Variants in TICRR observed in about 807,000 individuals in gnomAD.
TICRR encodes treslin.
In TICRR, 132 loss-of-function variants were observed where a neutral mutation model predicts 178.1. The observed-to-expected ratio is 0.74, with a 90% CI of 0.64 to 0.86. TICRR has a LOEUF of 0.86. TICRR is among the 40% of genes least tolerant of loss of function. The pLI is 0.00. For synonymous variants in TICRR, 991 were observed against 900.7 expected, an observed-to-expected ratio of 1.10 and a Z score of -1.79; for missense variants, 2,587 against 2,334.3, an observed-to-expected ratio of 1.11 and a Z score of -2.23.
At chr15:89,615,873 TTTTATA>T (rs1344943376) in intron 15 of TICRR, among the ~76,000 whole-genome samples, 1 of 152,028 alleles carries the variant, frequency 6.6e-6, no homozygotes, top group African/African-American at 2.4e-5. Context: ...TTAGATAAAA[TTTTATA>T]TTTATATTGT....
chr15:89,619,307 C>T (rs1048682024), intron 17 of TICRR, among the ~76,000 whole-genome samples: 1 of 144,152 alleles, frequency 6.9e-6, no homozygotes, highest in Non-Finnish European at 1.5e-5. Context: ...CTCACTGCAA[C>T]CTCCACCTCC....
chr15:89,584,150 A>G (rs1962777845), intron 2 of TICRR, 136 bp from the exon 3 acceptor site: 4 of 837,552 alleles, frequency 4.8e-6, no homozygotes, highest in Non-Finnish European at 7.1e-6. Context: ...ACTAAGTGAC[A>G]GTATCTCAAT....
intron 8 of TICRR, 58 bp downstream of exon 8, chr15:89,599,533 G>C (rs370841826): frequency 8.3e-6 from 13 of 1,557,448 alleles, no homozygotes; most frequent in Middle Eastern, 1.7e-4. Context: ...TGGTTGGTTG[G>C]TGGTGGATTT....
chr15:89,627,181 T>C lies in TICRR; in HGVS notation c.*95T>C. 4.0e-6 allele frequency: 6 copies of C among 1,498,398 alleles called. No homozygotes were observed. Among genetic ancestry groups the C allele is most frequent in the Non-Finnish European group, 5.5e-6 (6 of 1,092,540 alleles). 92.8% of individuals were successfully genotyped at this position (1,498,398 alleles called of 1,614,324 possible). The stretch of plus-strand genomic sequence containing the variant: ...GCCTGGTCCCAAGCCTCTTTTGCCA[T>C]GGTCAGTGTTCAGATTGCCATTAGA... On this transcript the variant is annotated 3_prime_UTR_variant, in exon 22 of 22. Transcript: ENST00000268138.
At chr15:89,577,323 C>T (rs909896718) in intron 1 of TICRR, among the ~76,000 whole-genome samples, 2 of 152,030 alleles carry the variant, frequency 1.3e-5, no homozygotes, top group African/African-American at 4.8e-5. Flanking sequence ...GCGGTGAGGC[C>T]CCCTGCTCCT....
Position 89,608,787 on chromosome 15 carries a change from T to G in TICRR, c.2723-16T>G, listed in dbSNP as rs1963210379. Reference sequence around the variant, plus strand: ...CTTTGGGTTTTTCTTTTTCTTTTAATTTTTGATGCTTTCAGAAGTGACCAA... The same window carrying G: ...CTTTGGGTTTTTCTTTTTCTTTTAAGTTTTGATGCTTTCAGAAGTGACCAA... On this transcript the variant is annotated splice_polypyrimidine_tract_variant and intron_variant, in intron 14 of 21. Transcript: ENST00000268138. 1.3e-6 allele frequency: 2 copies of G among 1,564,106 alleles called. No homozygotes were observed. The highest frequency in any genetic ancestry group is 1.7e-6 in the Non-Finnish European group (2 of 1,160,442).
intron 15 of TICRR, 45 bp downstream of exon 15, chr15:89,608,994 G>A (rs377072517): frequency 3.3e-5 from 49 of 1,476,452 alleles, no homozygotes; most frequent in Middle Eastern, 1.8e-4. Context: ...GGGAGATTCT[G>A]TAAGATTAGT....
chr15:89,618,257 A>T, intron 17 of TICRR, 47 bp downstream of exon 17: 1 of 1,557,616 alleles, frequency 6.4e-7, no homozygotes, highest in Non-Finnish European at 8.9e-7. Flanking sequence ...CCCAGCTTCT[A>T]TGAAAACCTT....
At chr15:89,585,644 C>A in intron 3 of TICRR, 64 bp from the exon 4 acceptor site, 1 of 1,099,594 alleles carries the variant, frequency 9.1e-7, no homozygotes, top group Non-Finnish European at 1.4e-6. Context: ...TCTTTTAGTA[C>A]ACTACATTCT....
chr15:89,605,616 C>A (rs1031484691), intron 13 of TICRR, among the ~76,000 whole-genome samples: 1 of 152,190 alleles, frequency 6.6e-6, no homozygotes, highest in African/African-American at 2.4e-5. Flanking sequence ...ACTCGACCTC[C>A]CAAAGTGCTA....
intron 16 of TICRR, among the ~76,000 whole-genome samples, chr15:89,617,740 G>T (rs1481920992): frequency 6.7e-6 from 1 of 149,066 alleles, no homozygotes; most frequent in East Asian, 2.0e-4. Context: ...TCGCCAGGCT[G>T]GAGTGCAGTG....
intron 14 of TICRR, among the ~76,000 whole-genome samples, chr15:89,607,598 C>T (rs1046919437): frequency 6.6e-6 from 1 of 152,120 alleles, no homozygotes; most frequent in African/African-American, 2.4e-5. Context: ...GTAACAGGAA[C>T]TCTTATAATG....
chr15:89,623,576 C>T (rs1963459033), intron 19 of TICRR, 47 bp from the exon 20 acceptor site: 1 of 1,539,822 alleles, frequency 6.5e-7, no homozygotes, highest in Non-Finnish European at 8.7e-7. Context: ...CTTCAGAGAT[C>T]ATGAGTTATA....
Position 89,595,441 on chromosome 15 carries a change from G to A in TICRR, c.1730G>A (p.Arg577His), listed in dbSNP as rs755128355. Reference sequence around the variant, plus strand: ...AGACAGAAGATGAATACCATGTGCCGTTCCTTAAAGATGTTGAATGTCGCA... The same window carrying A: ...AGACAGAAGATGAATACCATGTGCCATTCCTTAAAGATGTTGAATGTCGCA... ...PVRQKMNTMCRSLKMLNVARL... is the reference protein window; with the variant it reads ...PVRQKMNTMCHSLKMLNVARL... The change falls in exon 7 of 22, where the codon CGT (arginine) becomes CAT (histidine). Residue 577 changes from arginine (R) to histidine (H), a missense_variant. By Grantham distance (29) the Arg-to-His change is conservative. Coordinates refer to ENST00000268138, the MANE Select transcript of TICRR (RefSeq NM_152259.4). 5.0e-6 allele frequency: 8 copies of A among 1,614,060 alleles called. No individual in the cohort carries two copies. Among genetic ancestry groups the A allele is most frequent in the South Asian group, 1.1e-5 (1 of 91,080 alleles).
Position 89,585,936 on chromosome 15 carries a change from T to G in TICRR, c.1405T>G (p.Ser469Ala). ...QTHDSLADTASAASPVPEWAQ... is the reference protein window; with the variant it reads ...QTHDSLADTAAAASPVPEWAQ... ...TCATGATTCGCTTGCAGATACTGCT[T>G]CTGCTGGTAAGCTCCTAAACTAGTA... Residue 469 changes from serine (S) to alanine (A), a missense_variant, in exon 4 of 22, where the codon TCT becomes GCT. Transcript: ENST00000268138. The G allele has an allele frequency of 3.1e-6, 5 of 1,613,510 alleles. No individual in the cohort carries two copies. Among genetic ancestry groups the G allele is most frequent in the Non-Finnish European group, 4.2e-6 (5 of 1,179,432 alleles).
At chr15:89,588,247 T>G (rs1371228595) in intron 4 of TICRR, among the ~76,000 whole-genome samples, 1 of 152,026 alleles carries the variant, frequency 6.6e-6, no homozygotes, top group Non-Finnish European at 1.5e-5. Context: ...AGGGTGAAGA[T>G]AGCAGGAAGG....
intron 13 of TICRR, among the ~76,000 whole-genome samples, chr15:89,606,446 A>G (rs950790123): frequency 3.9e-5 from 6 of 152,196 alleles, no homozygotes; most frequent in African/African-American, 1.4e-4. Flanking sequence ...ATTTTGGAGC[A>G]TATTGGATTT....
At chr15:89,621,305 G>A in intron 18 of TICRR, 88 bp from the exon 19 acceptor site, 1 of 1,380,540 alleles carries the variant, frequency 7.2e-7, no homozygotes, top group Non-Finnish European at 9.9e-7. Context: ...ACAGGCGTGA[G>A]CCACCATGCG....
At chr15:89,589,318 G>A (rs1224245292) in intron 4 of TICRR, among the ~76,000 whole-genome samples, 1 of 152,150 alleles carries the variant, frequency 6.6e-6, no homozygotes, top group Non-Finnish European at 1.5e-5. Flanking sequence ...AGTTTGGGGG[G>A]TAAGAAGGGT....
Sources: gnomAD v4.1 joint callset for allele counts (sites outside exome capture counted in the v4.1 genomes callset) on GRCh38, gnomAD v4.1.1 for gene constraint, MANE v1.5 for transcripts, NCBI Gene and HGNC (gene_info 2026-07-23, HGNC 2026-07-21) for gene names.